Variants in LONP1 observed in about 807,000 individuals in gnomAD.
The protein encoded by LONP1 is lon peptidase 1, mitochondrial.
Under a neutral mutation model 98.5 loss-of-function variants are expected in LONP1, and 31 were observed. That is an observed-to-expected ratio of 0.31 (90% confidence interval 0.24 to 0.42). The LOEUF (loss-of-function observed/expected upper bound fraction) is 0.42, where lower values mean the gene tolerates loss of function less well. LONP1 is among the 20% of genes least tolerant of loss of function. The pLI is 1.00. For synonymous variants in LONP1, 781 were observed against 594.7 expected (o/e 1.31, Z -4.56); for missense variants, 1,336 against 1,350.6 (o/e 0.99, Z 0.17).
chr19:5,710,196 G>A (rs1240146049), intron 4 of LONP1, among the ~76,000 whole-genome samples: 3 of 149,332 alleles, frequency 2.0e-5, no homozygotes, highest in Admixed American at 6.8e-5. Context: ...CAATTCTCCC[G>A]CCTCAGTAAT....
Position 5,691,894 on chromosome 19 carries a change from AGGTCCCTGGGATCTG to A in LONP1, c.*123_*137del. On this transcript the variant is annotated 3_prime_UTR_variant, in exon 18 of 18. Transcript: ENST00000360614. ...TGCCACACTCTGATTAAGCCGACTG[AGGTCCCTGGGATCTG>A]GGTCACTGGACCGAGCTGCTCGCTC... 3 of 984,632 alleles carry A rather than the reference AGGTCCCTGGGATCTG, an allele frequency of 3.0e-6. No homozygotes were observed. The highest frequency in any genetic ancestry group is 3.0e-6 in the Non-Finnish European group (2 of 672,916). The allele number at this position is 984,632 out of a possible 1,614,324, so 61.0% of individuals were successfully genotyped here.
chr19:5,693,164 CCAGAGAGACCTGCTTCCAAAGCCCAGGG>C, intron 17 of LONP1, 106 bp downstream of exon 17: 1 of 1,114,590 alleles, frequency 9.0e-7, no homozygotes, highest in East Asian at 2.6e-5. Context: ...CAGCTCCAGG[CCAGAGAGACCTGCTTCCAAAGCCCAGGG>C]CTTCCCTCTC....
Position 5,696,700 on chromosome 19 carries a change from C to T in LONP1, c.1743G>A (p.Lys581=). Residue 581 remains lysine, a synonymous_variant, in exon 11 of 18, where the codon AAG becomes AAA. Transcript: ENST00000360614. ...CGATGAGGATCAGGGGGTTCTCCGT[C>T]TTGGTCTTCTTCAAACACTGGATGA... ...GKIIQCLKKT[K]TENPLILIDE... is the part of the protein sequence containing the mutation. The T allele has an allele frequency of 6.2e-7, 1 of 1,613,686 alleles. No individual in the cohort carries two copies. Among genetic ancestry groups the T allele is most frequent in the Non-Finnish European group, 8.5e-7 (1 of 1,179,948 alleles).
chr19:5,702,881 G>T (rs572824454), intron 8 of LONP1, among the ~76,000 whole-genome samples: 3 of 150,884 alleles, frequency 2.0e-5, no homozygotes, highest in South Asian at 2.1e-4. Flanking sequence ...CAAACACTGC[G>T]GAAGGCCGCA....
chr19:5,695,025 G>A (rs2054901272), intron 13 of LONP1, 124 bp from the exon 14 acceptor site: 6 of 1,169,818 alleles, frequency 5.1e-6, no homozygotes, highest in African/African-American at 3.0e-5. Flanking sequence ...GTCCCTGATG[G>A]TGAAACCAGG....
intron 15 of LONP1, among the ~76,000 whole-genome samples, chr19:5,694,096 GCCTCCTTTGTGCGTGGTGGC>G (rs2054880714): frequency 6.6e-6 from 1 of 152,136 alleles, no homozygotes; most frequent in African/African-American, 2.4e-5. Flanking sequence ...TTGCCCTCTC[GCCTCCTTTGTGCGTGGTGGC>G]CCCAAGGCCC....
At chr19:5,707,352 G>A (rs956726184) in intron 6 of LONP1, among the ~76,000 whole-genome samples, 3 of 152,188 alleles carry the variant, frequency 2.0e-5, no homozygotes, top group Admixed American at 6.5e-5. Context: ...CTCCAGCTGC[G>A]TGCATGGGGA....
intron 4 of LONP1, among the ~76,000 whole-genome samples, chr19:5,710,790 C>G (rs1255533334): frequency 6.6e-6 from 1 of 152,090 alleles, no homozygotes; most frequent in Admixed American, 6.6e-5. Flanking sequence ...TTTTGGGAGG[C>G]TGAGGTGGGC....
chr19:5,696,377 G>A lies in LONP1; in HGVS notation c.1774-6C>T, dbSNP rs1399809100. 5.0e-6 allele frequency: 8 copies of A among 1,611,970 alleles called. No homozygotes were observed. The South Asian group carries it at 7.7e-5, about 16-fold the overall frequency. Reference sequence around the variant, plus strand: ...CCTCGGCCGATCTTGTCCACCTGGGGCAGCAGACAGCAGGTGGTGCCCCTC... The same window carrying A: ...CCTCGGCCGATCTTGTCCACCTGGGACAGCAGACAGCAGGTGGTGCCCCTC... On this transcript the variant is annotated splice_polypyrimidine_tract_variant and splice_region_variant and intron_variant, in intron 11 of 17. Transcript: ENST00000360614.
chr19:5,720,353 CACGTGG>C (rs2055424618), upstream of LONP1: 1 of 694,884 alleles, frequency 1.4e-6, no homozygotes, highest in South Asian at 2.3e-5. Flanking sequence ...CTTTTCCGGT[CACGTGG>C]AAGGCTGTGA....
intron 9 of LONP1, 136 bp from the exon 10 acceptor site, chr19:5,699,341 G>T: frequency 1.7e-6 from 1 of 595,964 alleles, no homozygotes; most frequent in Non-Finnish European, 2.6e-6. Flanking sequence ...GGGAGGCTGA[G>T]CACATCAGAG....
At position 5,696,337 on chromosome 19, in the gene LONP1, G is replaced by A. The variant is rs746766577; in HGVS notation, c.1808C>T (p.Pro603Leu). 36 of 1,613,172 alleles carry A rather than the reference G, an allele frequency of 2.2e-5. No individual in the cohort carries two copies. The Middle Eastern group carries it at 6.6e-4, about 30-fold the overall frequency. ...CAGCAGCTCCAGCAGTGCCGACGAC[G>A]GGTCCCCCTGGTAGCCTCGGCCGAT... ...DKIGRGYQGD[P>L]SSALLELLDP... The change falls in exon 12 of 18, where the codon CCG (proline) becomes CTG (leucine). Residue 603 changes from proline (P) to leucine (L), a missense_variant. By Grantham distance (98) the Pro-to-Leu change is moderately conservative. Transcript: ENST00000360614.
At chr19:5,708,964 G>C (rs1410057554) in intron 4 of LONP1, 2 of 141,870 alleles carry the variant, frequency 1.4e-5, no homozygotes, top group African/African-American at 5.4e-5. Flanking sequence ...AGTGAGCCGA[G>C]ATCGCGCCAC....
At chr19:5,698,138 T>C (rs912239650) in intron 10 of LONP1, among the ~76,000 whole-genome samples, 16 of 91,274 alleles carry the variant, frequency 1.8e-4, no homozygotes, top group Non-Finnish European at 2.8e-4. Flanking sequence ...CTCCAGCTCC[T>C]CCCAACTCCC....
chr19:5,700,415 A>G (rs1026256357), intron 9 of LONP1, among the ~76,000 whole-genome samples: 7 of 152,050 alleles, frequency 4.6e-5, no homozygotes, highest in African/African-American at 1.7e-4. Context: ...GCCCAGCCGC[A>G]ATTTTAAAAT....
intron 10 of LONP1, among the ~76,000 whole-genome samples, chr19:5,697,077 G>A (rs1034042169): frequency 2.6e-5 from 4 of 152,160 alleles, no homozygotes; most frequent in South Asian, 2.1e-4. Context: ...ACTGAGGGAC[G>A]CCAGGCACGC....
In LONP1 at chr19:5,696,380, G is replaced by A. The variant is rs1411586310; in HGVS notation, c.1774-9C>T. On this transcript the variant is annotated splice_polypyrimidine_tract_variant and intron_variant, in intron 11 of 17. Transcript: ENST00000360614. Reference sequence around the variant, plus strand: ...CGGCCGATCTTGTCCACCTGGGGCAGCAGACAGCAGGTGGTGCCCCTCGCC... The same window carrying A: ...CGGCCGATCTTGTCCACCTGGGGCAACAGACAGCAGGTGGTGCCCCTCGCC... The A allele has an allele frequency of 1.2e-6, 2 of 1,612,018 alleles. No individual in the cohort carries two copies. The highest frequency in any genetic ancestry group is 3.3e-5 in the Admixed American group (2 of 59,968).
At chr19:5,697,551 G>GAGAGGGA (rs1555709868) in intron 10 of LONP1, among the ~76,000 whole-genome samples, 2 of 131,728 alleles carry the variant, frequency 1.5e-5, no homozygotes, top group African/African-American at 5.7e-5. Flanking sequence ...GGAGGAGATG[G>GAGAGGGA]AGAGGGAAGG....
Position 5,696,423 on chromosome 19 carries a change from G to A in LONP1, c.1774-52C>T, listed in dbSNP as rs369378787. ...CCCTCGCCGTGCCCCTGGCCAGCCC[G>A]CCCAGTGGGGAGACCCCAGGGTCAG... On this transcript the variant is annotated intron_variant, in intron 11 of 17. Coordinates refer to ENST00000360614, the MANE Select transcript of LONP1 (RefSeq NM_004793.4). The A allele has an allele frequency of 5.9e-5, 94 of 1,592,502 alleles. No homozygotes were observed. In the African/African-American group the frequency reaches 9.0e-4, roughly 15 times the overall value.
Sources: allele counts gnomAD v4.1 joint callset (sites outside exome capture counted in the v4.1 genomes callset), GRCh38; gene constraint gnomAD v4.1.1; transcripts MANE v1.5; gene names NCBI Gene and HGNC (gene_info 2026-07-23, HGNC 2026-07-21).